Variants in ADCY9 observed in about 807,000 individuals in gnomAD.
ADCY9 encodes the protein adenylate cyclase 9.
A neutral mutation model predicts 101.5 loss-of-function variants in ADCY9; 50 were observed. That is an observed-to-expected ratio of 0.49 (90% CI 0.39 to 0.62). The LOEUF is 0.62. Among genes scored for constraint, ADCY9 ranks in the 20% least tolerant of loss-of-function variants. The pLI is 0.00. For missense variants in ADCY9, 1,662 were observed against 1,800.4 expected (o/e 0.92, Z 1.39); for synonymous variants, 905 against 769.3 (o/e 1.18, Z -2.92).
intron 2 of ADCY9, among the ~76,000 whole-genome samples, chr16:4,048,530 A>C (rs1052605775): frequency 3.3e-5 from 5 of 152,188 alleles, no homozygotes; most frequent in African/African-American, 1.2e-4. Context: ...AGAATAACAT[A>C]GCCCTACAAC....
At chr16:4,011,208 G>A (rs1485835659) in intron 2 of ADCY9, among the ~76,000 whole-genome samples, 4 of 152,160 alleles carry the variant, frequency 2.6e-5, no homozygotes, top group Non-Finnish European at 5.9e-5. Flanking sequence ...GTCATGAAAG[G>A]CCCTCTACAG....
At chr16:4,095,361 CA>C (rs947916830) in intron 2 of ADCY9, among the ~76,000 whole-genome samples, 2 of 151,716 alleles carry the variant, frequency 1.3e-5, no homozygotes, top group African/African-American at 4.8e-5. Context: ...ATGTGGGGGA[CA>C]ACTAGAGGAC....
intron 2 of ADCY9, among the ~76,000 whole-genome samples, chr16:4,038,838 C>A (rs1485983484): frequency 1.3e-5 from 2 of 152,122 alleles, no homozygotes; most frequent in African/African-American, 4.8e-5. Context: ...TCCACTCCCA[C>A]TGCCTGAACC....
intron 10 of ADCY9, 23 bp downstream of exon 10, chr16:3,974,646 G>T (rs774115827): frequency 6.2e-7 from 1 of 1,601,046 alleles, no homozygotes. Context: ...TATTCAGACA[G>T]AAGTGCAATA....
intron 2 of ADCY9, among the ~76,000 whole-genome samples, chr16:4,027,640 G>A (rs2056525507): frequency 6.6e-6 from 1 of 152,154 alleles, no homozygotes; most frequent in East Asian, 1.9e-4. Flanking sequence ...ACTGTGGGAG[G>A]CCGAGGTGGG....
At chr16:4,027,968 T>G (rs2141750627) in intron 2 of ADCY9, among the ~76,000 whole-genome samples, 1 of 152,188 alleles carries the variant, frequency 6.6e-6, no homozygotes. Context: ...CCCCCACGAT[T>G]CAATTACCTC....
rs979671512 is a variant in ADCY9, at chr16:4,057,043, C to A, written c.1694-49485G>T. 1.8e-4 allele frequency among the ~76,000 whole-genome samples: 26 copies of A among 141,090 alleles called. 2 individuals are homozygous for A. Among genetic ancestry groups the A allele is most frequent in the East Asian group, 1.3e-3 (5 of 3,750 alleles). 92.6% of individuals were successfully genotyped at this position (141,090 alleles called of 152,430 possible). A position where few individuals can be genotyped will look rare whatever the true frequency, so the allele number is the denominator to read the frequency against. The stretch of plus-strand genomic sequence containing the variant: ...TAACCTGTACTGATGAAACCGCCCC[C>A]CCCCCCCCCGCCAATCTTACTCTTC... On this transcript the variant is annotated intron_variant, in intron 2 of 10. Coordinates refer to ENST00000294016, the MANE Select transcript of ADCY9 (RefSeq NM_001116.4).
chr16:4,021,569 G>C (rs959009632), intron 2 of ADCY9, among the ~76,000 whole-genome samples: 4 of 152,202 alleles, frequency 2.6e-5, no homozygotes, highest in South Asian at 2.1e-4. Flanking sequence ...AGAGCTAGGA[G>C]AGTATCAGAG....
At chr16:4,058,025 G>C (rs1286193380) in intron 2 of ADCY9, among the ~76,000 whole-genome samples, 1 of 152,020 alleles carries the variant, frequency 6.6e-6, no homozygotes, top group Non-Finnish European at 1.5e-5. Flanking sequence ...CAGGCGTGGT[G>C]GTGGGCACCT....
chr16:4,022,597 TCCGTGCATATGTGTATAC>T (rs965751415), intron 2 of ADCY9, among the ~76,000 whole-genome samples: 3 of 151,620 alleles, frequency 2.0e-5, no homozygotes, highest in Non-Finnish European at 2.9e-5. Context: ...TATGTGTATA[TCCGTGCATATGTGTATAC>T]CTGCAGCAAT....
At chr16:4,007,670 G>GA in intron 2 of ADCY9, 112 bp from the exon 3 acceptor site, 1 of 867,398 alleles carries the variant, frequency 1.2e-6, no homozygotes, top group Non-Finnish European at 1.7e-6. Flanking sequence ...AGAGTAAAGT[G>GA]AAAATGTGAA....
intron 2 of ADCY9, among the ~76,000 whole-genome samples, chr16:4,038,837 A>G (rs1400375155): frequency 1.3e-5 from 2 of 151,570 alleles, no homozygotes; most frequent in Admixed American, 1.3e-4. Context: ...TTCCACTCCC[A>G]CTGCCTGAAC....
At chr16:4,099,061 T>C (rs903402211) in intron 2 of ADCY9, among the ~76,000 whole-genome samples, 2 of 152,102 alleles carry the variant, frequency 1.3e-5, no homozygotes. Flanking sequence ...GTTTCCCGAG[T>C]AGCTGGGATT....
chr16:3,998,170 G>C (rs1314715257), intron 3 of ADCY9, among the ~76,000 whole-genome samples: 3 of 152,228 alleles, frequency 2.0e-5, no homozygotes, highest in East Asian at 1.9e-4. Flanking sequence ...AGAGCTGGGT[G>C]TGGTGGCTTG....
chr16:4,045,869 C>CTTTTTTTTT (rs56804050), intron 2 of ADCY9, among the ~76,000 whole-genome samples: 1 of 78,910 alleles, frequency 1.3e-5, no homozygotes. Flanking sequence ...TTTTTTCTTT[C>CTTTTTTTTT]TTTTTTTTTT....
At position 4,007,394 on chromosome 16, in the gene ADCY9, T is replaced by C. The variant is rs1434163106; in HGVS notation, c.1858A>G (p.Thr620Ala). 1 of 1,590,518 alleles carries C rather than the reference T, an allele frequency of 6.3e-7. No homozygotes were observed. The highest frequency in any genetic ancestry group is 8.5e-7 in the Non-Finnish European group (1 of 1,172,396). The change falls in exon 3 of 11, where the codon ACT becomes GCT. Residue 620 changes from threonine (T) to alanine (A), a missense_variant. Thr to Ala is a moderately conservative substitution (Grantham distance 58, BLOSUM62 0). Transcript: ENST00000294016. ...TTAAGGTTATCAAAGGTTTTGACAG[T>C]CTGCGCCAAGTCACTGACATTCCCT... ...SSGNVSDLAQ[T>A]VKTFDNLKTC...
intron 5 of ADCY9, among the ~76,000 whole-genome samples, chr16:3,954,766 T>G (rs564703933): frequency 4.6e-5 from 7 of 152,266 alleles, no homozygotes; most frequent in African/African-American, 1.7e-4. Flanking sequence ...GGCAGAGCCA[T>G]CCACAGCGAT....
At position 4,066,127 on chromosome 16, in the gene ADCY9, T is replaced by C. The variant is rs182043595; in HGVS notation, c.1693+47623A>G. On this transcript the variant is annotated intron_variant, in intron 2 of 10. Coordinates refer to ENST00000294016, the MANE Select transcript of ADCY9 (RefSeq NM_001116.4). ...TCCATTCTAGGAATGGGTATGAACT[T>C]GCCTGAATAGTCTATGATGGGCAAT... 5.9e-4 allele frequency among the ~76,000 whole-genome samples: 90 copies of C among 152,332 alleles called. 1 individual carries two copies. The East Asian group carries it at 0.015, about 26-fold the overall frequency.
At chr16:4,077,331 G>A (rs1436004857) in intron 2 of ADCY9, among the ~76,000 whole-genome samples, 3 of 152,158 alleles carry the variant, frequency 2.0e-5, no homozygotes, top group African/African-American at 7.2e-5. Flanking sequence ...AGGCCCAGGA[G>A]GGTTTTCAGG....
Sources: gnomAD v4.1 joint callset for allele counts (sites outside exome capture counted in the v4.1 genomes callset) on GRCh38, gnomAD v4.1.1 for gene constraint, MANE v1.5 for transcripts, NCBI Gene and HGNC (gene_info 2026-07-23, HGNC 2026-07-21) for gene names.